CNTNAP5: variants seen among roughly 807,000 people sequenced by gnomAD.
CNTNAP5 encodes the protein contactin-associated protein-like 5.
A neutral mutation model predicts 150.2 loss-of-function variants in CNTNAP5; 72 were observed. The ratio of observed to expected loss-of-function variants is 0.48; its 90% CI spans 0.40 to 0.58. The LOEUF (loss-of-function observed/expected upper bound fraction) is 0.58, where lower values mean the gene tolerates loss of function less well. Among genes scored for constraint, CNTNAP5 ranks in the 20% least tolerant of loss-of-function variants. The probability of loss-of-function intolerance (pLI) is 0.00; values close to 1 mark genes in which losing one functional copy is unlikely to be tolerated. For missense variants in CNTNAP5, 1,636 were observed against 1,626.2 expected (o/e 1.01, Z -0.10); for synonymous variants, 672 against 619.8 (o/e 1.08, Z -1.25).
At chr2:124,155,756 G>A (rs973580195) in intron 1 of CNTNAP5, among the ~76,000 whole-genome samples, 10 of 152,100 alleles carry the variant, frequency 6.6e-5, no homozygotes, top group South Asian at 2.1e-4. Context: ...TCACCCATCC[G>A]TTTTTTAGGA....
chr2:124,123,933 T>G (rs1683627172), intron 1 of CNTNAP5, among the ~76,000 whole-genome samples: 1 of 152,046 alleles, frequency 6.6e-6, no homozygotes, highest in African/African-American at 2.4e-5. Context: ...CAAAGGTAGT[T>G]AAAACCACAA....
chr2:124,835,647 G>C (rs756576222), intron 19 of CNTNAP5, among the ~76,000 whole-genome samples: 77 of 152,126 alleles, frequency 5.1e-4, no homozygotes, highest in Non-Finnish European at 5.7e-4. Flanking sequence ...TAAGTGTCAG[G>C]CTTCTGGACA....
intron 3 of CNTNAP5, among the ~76,000 whole-genome samples, chr2:124,282,432 T>C (rs1402590766): frequency 2.0e-5 from 3 of 152,168 alleles, no homozygotes; most frequent in African/African-American, 7.2e-5. Flanking sequence ...TTGTAACAGA[T>C]AATTTATGCC....
chr2:124,506,870 T>C (rs1206903582), intron 8 of CNTNAP5, among the ~76,000 whole-genome samples: 4 of 152,166 alleles, frequency 2.6e-5, no homozygotes, highest in Non-Finnish European at 5.9e-5. Flanking sequence ...CAAGGTTCAA[T>C]GGAGGAAGAT....
intron 3 of CNTNAP5, among the ~76,000 whole-genome samples, chr2:124,353,707 G>A (rs1689930179): frequency 6.6e-6 from 1 of 152,160 alleles, no homozygotes; most frequent in African/African-American, 2.4e-5. Flanking sequence ...CTTTAAACAA[G>A]AGAAAGAATC....
At chr2:124,612,543 C>T (rs1677409127) in intron 12 of CNTNAP5, among the ~76,000 whole-genome samples, 1 of 152,080 alleles carries the variant, frequency 6.6e-6, no homozygotes, top group African/African-American at 2.4e-5. Flanking sequence ...TATGTTTGAT[C>T]ATTTGTCCAA....
chr2:124,114,602 T>C (rs1483036832), intron 1 of CNTNAP5, among the ~76,000 whole-genome samples: 3 of 151,836 alleles, frequency 2.0e-5, no homozygotes, highest in African/African-American at 7.2e-5. Flanking sequence ...GTCCTAATAT[T>C]TAAATCATTA....
At chr2:124,905,126 G>GTTTTTTTTTTTTT (rs55885763) in intron 22 of CNTNAP5, among the ~76,000 whole-genome samples, 1 of 126,988 alleles carries the variant, frequency 7.9e-6, no homozygotes, top group South Asian at 2.6e-4. Context: ...GTTTTTTTTT[G>GTTTTTTTTTTTTT]TTTTTTTTTT....
At chr2:124,202,828 G>A (rs1462130665) in intron 1 of CNTNAP5, among the ~76,000 whole-genome samples, 1 of 152,084 alleles carries the variant, frequency 6.6e-6, no homozygotes, top group Non-Finnish European at 1.5e-5. Flanking sequence ...ACCTCCCACT[G>A]GGTCCCTCCT....
At chr2:124,184,263 A>C (rs553112282) in intron 1 of CNTNAP5, among the ~76,000 whole-genome samples, 2 of 152,284 alleles carry the variant, frequency 1.3e-5, no homozygotes, top group East Asian at 3.9e-4. Flanking sequence ...CTGGAAATAC[A>C]AGTGAGAATT....
At chr2:124,204,949 C>A (rs1020165066) in intron 1 of CNTNAP5, among the ~76,000 whole-genome samples, 2 of 152,158 alleles carry the variant, frequency 1.3e-5, no homozygotes, top group Non-Finnish European at 2.9e-5. Context: ...AAGTAAACTG[C>A]TACTGAGGCC....
intron 4 of CNTNAP5, among the ~76,000 whole-genome samples, chr2:124,433,627 T>C (rs1454354209): frequency 6.6e-6 from 1 of 152,050 alleles, no homozygotes; most frequent in Non-Finnish European, 1.5e-5. Flanking sequence ...TCAGTTTCAA[T>C]TTGTAATTAA....
At chr2:124,054,000 G>A (rs1681778491) in intron 1 of CNTNAP5, among the ~76,000 whole-genome samples, 1 of 152,196 alleles carries the variant, frequency 6.6e-6, no homozygotes, top group African/African-American at 2.4e-5. Context: ...TGAAGAGAAA[G>A]AAAGATGTCA....
At chr2:124,164,847 C>T (rs1033973178) in intron 1 of CNTNAP5, among the ~76,000 whole-genome samples, 7 of 152,112 alleles carry the variant, frequency 4.6e-5, no homozygotes, top group Admixed American at 2.0e-4. Flanking sequence ...GAGGGTAGAT[C>T]TCAGCTGGGG....
chr2:124,199,519 G>A (rs768451822), intron 1 of CNTNAP5, among the ~76,000 whole-genome samples: 30 of 146,512 alleles, frequency 2.0e-4, no homozygotes, highest in African/African-American at 6.5e-4. Flanking sequence ...AGGTTCAAGC[G>A]ATTCTCCTGC....
chr2:124,527,218 A>G, intron 9 of CNTNAP5, 67 bp from the exon 10 acceptor site: 2 of 1,423,108 alleles, frequency 1.4e-6, no homozygotes, highest in Non-Finnish European at 1.9e-6. Flanking sequence ...GTCTTCCATC[A>G]ATAGGTCGCC....
intron 1 of CNTNAP5, among the ~76,000 whole-genome samples, chr2:124,215,471 A>G (rs1686131955): frequency 6.6e-6 from 1 of 152,160 alleles, no homozygotes; most frequent in South Asian, 2.1e-4. Context: ...ATTAATATGA[A>G]AGAAGACCTT....
chr2:124,754,017 T>A (rs1233926986), intron 14 of CNTNAP5, among the ~76,000 whole-genome samples: 1 of 152,172 alleles, frequency 6.6e-6, no homozygotes. Context: ...TCCCATGAGA[T>A]GCAGAATGAG....
chr2:124,608,034 A>G (rs1022048189), intron 11 of CNTNAP5, among the ~76,000 whole-genome samples: 7 of 152,184 alleles, frequency 4.6e-5, no homozygotes, highest in Non-Finnish European at 7.4e-5. Context: ...TAAAAAGTCA[A>G]ACCCTCTCAG....
Sources: allele counts gnomAD v4.1 joint callset (sites outside exome capture counted in the v4.1 genomes callset), GRCh38; gene constraint gnomAD v4.1.1; transcripts MANE v1.5; gene names NCBI Gene and HGNC (gene_info 2026-07-23, HGNC 2026-07-21).